Variants in SEPTIN9 observed in about 807,000 individuals in gnomAD.
The protein encoded by SEPTIN9 is septin-9.
Under a neutral mutation model 56.6 loss-of-function variants are expected in SEPTIN9, and 13 were observed. The observed-to-expected ratio is 0.23, with a 90% confidence interval of 0.15 to 0.37. The LOEUF (loss-of-function observed/expected upper bound fraction) is 0.37, where lower values mean the gene tolerates loss of function less well. SEPTIN9 is among the 10% of genes least tolerant of loss of function. The pLI is 1.00. For missense variants in SEPTIN9, 650 were observed against 823.1 expected, an observed-to-expected ratio of 0.79 and a Z score of 2.57; for synonymous variants, 332 against 334.1, an observed-to-expected ratio of 0.99 and a Z score of 0.07.
At chr17:77,375,344 T>C (rs2143928822) in intron 2 of SEPTIN9, 1 of 152,062 alleles carries the variant, frequency 6.6e-6, no homozygotes, top group East Asian at 2.0e-4. Context: ...TGCTCTCAGT[T>C]CCTAACAGAA....
intron 3 of SEPTIN9, among the ~76,000 whole-genome samples, chr17:77,410,910 C>T (rs2036272713): frequency 6.6e-6 from 1 of 152,040 alleles, no homozygotes; most frequent in Admixed American, 6.6e-5. Flanking sequence ...GTGACCTTTC[C>T]CTTTCTTCAT....
At chr17:77,331,628 T>C (rs1395851838) in intron 2 of SEPTIN9, among the ~76,000 whole-genome samples, 1 of 151,896 alleles carries the variant, frequency 6.6e-6, no homozygotes, top group Admixed American at 6.6e-5. Flanking sequence ...TCCTGCGGGG[T>C]TTGCATTTTC....
chr17:77,466,725 C>T (rs534017789), intron 3 of SEPTIN9, among the ~76,000 whole-genome samples: 26 of 152,242 alleles, frequency 1.7e-4, no homozygotes, highest in African/African-American at 6.3e-4. Context: ...CATAAGAACA[C>T]GCTATTACTG....
chr17:77,485,441 G>A (rs979386104), intron 4 of SEPTIN9, among the ~76,000 whole-genome samples: 4 of 151,688 alleles, frequency 2.6e-5, no homozygotes, highest in Non-Finnish European at 5.9e-5. Context: ...TGAGGGTGAC[G>A]GAAGTGGTGA....
intron 3 of SEPTIN9, among the ~76,000 whole-genome samples, chr17:77,406,384 A>C (rs1022460347): frequency 6.6e-6 from 1 of 151,952 alleles, no homozygotes; most frequent in South Asian, 2.1e-4. Flanking sequence ...ACCTGGTCCA[A>C]ATACCTCGTG....
At chr17:77,282,630 TTAC>T (rs539184990) in intron 1 of SEPTIN9, among the ~76,000 whole-genome samples, 172 of 152,336 alleles carry the variant, frequency 1.1e-3, no homozygotes, top group Middle Eastern at 0.01. Flanking sequence ...TCAAAGAGGA[TTAC>T]TCAGAACTTC....
In SEPTIN9 at chr17:77,329,395, C is replaced by T. The variant is rs2033263940; in HGVS notation, c.76+22198C>T. On this transcript the variant is annotated intron_variant, in intron 2 of 11. Coordinates refer to ENST00000427177, the MANE Select transcript of SEPTIN9 (RefSeq NM_001113491.2). This position sits in a 1 kb window ranked among gnomAD's most constrained non-coding sequence, Gnocchi z 4.3. ...GTGGCCGGCCCTGCCCAGCCTTGCA[C>T]TGCCCTGTGCTGCCCTGGTGGCTGC... Among the ~76,000 whole-genome samples the T allele has an allele frequency of 2.0e-5, 3 of 152,224 alleles. No individual in the cohort carries two copies. Among genetic ancestry groups the T allele is most frequent in the Non-Finnish European group, 4.4e-5 (3 of 68,040 alleles).
Position 77,456,657 on chromosome 17 carries a change from A to G in SEPTIN9, c.722-25487A>G, listed in dbSNP as rs897081654. Among the ~76,000 whole-genome samples, 24 of 149,132 alleles carry G rather than the reference A, an allele frequency of 1.6e-4. No individual in the cohort carries two copies. The highest frequency in any genetic ancestry group is 5.1e-4 in the African/African-American group (21 of 41,094). ...TACCCACAGCCAGGGACAGGCCTCC[A>G]TGGCCAGTACCAGGTCTCAGGGACC... On this transcript the variant is annotated intron_variant, in intron 3 of 11. Transcript: ENST00000427177. The surrounding 1 kb of genome is among the most constrained non-coding windows in gnomAD (Gnocchi z 6.0).
rs534121951 is a variant in SEPTIN9, at chr17:77,311,565, G to A, written c.76+4368G>A. Reference sequence around the variant, plus strand: ...CTATGCTAGTTCCCATGCCTCTTCCGGCAGGAGTGCCTGGCTCCACCTGGT... The same window carrying A: ...CTATGCTAGTTCCCATGCCTCTTCCAGCAGGAGTGCCTGGCTCCACCTGGT... On this transcript the variant is annotated intron_variant, in intron 2 of 11. Transcript: ENST00000427177. 9.6e-4 allele frequency among the ~76,000 whole-genome samples: 146 copies of A among 152,254 alleles called. 1 individual carries two copies. Among genetic ancestry groups the A allele is most frequent in the African/African-American group, 2.5e-3 (103 of 41,544 alleles).
At chr17:77,491,605 G>C (rs1399234866) in intron 8 of SEPTIN9, among the ~76,000 whole-genome samples, 2 of 151,518 alleles carry the variant, frequency 1.3e-5, no homozygotes, top group East Asian at 2.0e-4. Context: ...TTGAGGTCAG[G>C]AGTTTGAGGC....
intron 3 of SEPTIN9, chr17:77,454,053 G>A (rs141404873): frequency 9.1e-6 from 9 of 985,450 alleles, no homozygotes; most frequent in East Asian, 2.3e-4. Context: ...CTCCCTGGCC[G>A]GGAGTGTGGG....
rs1477596738 is a variant in SEPTIN9, at chr17:77,435,867, T to C, written c.721+33164T>C. The stretch of plus-strand genomic sequence containing the variant: ...TCTGGAGGCCTTTGCTCCTGAGCCC[T>C]GCCTCTGTGTAATCCCTAAAGCACG... On this transcript the variant is annotated intron_variant, in intron 3 of 11. Transcript: ENST00000427177. The surrounding 1 kb of genome is among the most constrained non-coding windows in gnomAD (Gnocchi z 4.5). Among the ~76,000 whole-genome samples, 1 of 152,246 alleles carries C rather than the reference T, an allele frequency of 6.6e-6. No homozygotes were observed. The highest frequency in any genetic ancestry group is 1.5e-5 in the Non-Finnish European group (1 of 68,048).
In SEPTIN9 at chr17:77,305,237, G is replaced by C. The variant is rs565888387; in HGVS notation, c.20-1904G>C. On this transcript the variant is annotated intron_variant, in intron 1 of 11. Transcript: ENST00000427177. ...CTGGGTGAGGTCACGGACATGGCTGGGGCAGGCTGGGGGTGCTGGAGGTGA... is the reference window on the plus strand; with the variant it reads ...CTGGGTGAGGTCACGGACATGGCTGCGGCAGGCTGGGGGTGCTGGAGGTGA... Among the ~76,000 whole-genome samples the C allele has an allele frequency of 5.3e-5, 8 of 152,278 alleles. No individual in the cohort carries two copies. In the South Asian group the frequency reaches 1.7e-3, roughly 32 times the overall value.
chr17:77,482,681 GC>G, intron 4 of SEPTIN9: 1 of 600,630 alleles, frequency 1.7e-6, no homozygotes, highest in African/African-American at 1.9e-5. Flanking sequence ...CCTCACTGTT[GC>G]TCCAGCCTGG....
At position 77,429,283 on chromosome 17, in the gene SEPTIN9, C is replaced by T. The variant is rs755151606; in HGVS notation, c.721+26580C>T. ...GATCTGACCGTAATTTTGATGGTGC[C>T]GATGCCGTCAGCACGCAGGCCTCCT... On this transcript the variant is annotated intron_variant, in intron 3 of 11. Transcript: ENST00000427177. This position sits in a 1 kb window ranked among gnomAD's most constrained non-coding sequence, Gnocchi z 5.2. 15 of 471,156 alleles carry T rather than the reference C, an allele frequency of 3.2e-5. 1 individual carries two copies. Among genetic ancestry groups the T allele is most frequent in the South Asian group, 1.2e-4 (8 of 64,574 alleles). The allele number at this position is 471,156 out of a possible 1,614,324, so 29.2% of individuals were successfully genotyped here.
chr17:77,364,031 A>T (rs2034497689), intron 2 of SEPTIN9, among the ~76,000 whole-genome samples: 1 of 152,172 alleles, frequency 6.6e-6, no homozygotes, highest in South Asian at 2.1e-4. Flanking sequence ...TGTGTTAATA[A>T]CAAACCCATT....
chr17:77,492,905 G>A lies in SEPTIN9; in HGVS notation c.1477-75G>A. The stretch of plus-strand genomic sequence containing the variant: ...TTTGGGGGACCCCAGGCTCAGGGCA[G>A]CTCCTCCCGGGGGCCCAGGGGAGGG... On this transcript the variant is annotated intron_variant, in intron 9 of 11. Coordinates refer to ENST00000427177, the MANE Select transcript of SEPTIN9 (RefSeq NM_001113491.2). The surrounding 1 kb of genome is among the most constrained non-coding windows in gnomAD (Gnocchi z 5.4). 1 of 1,406,904 alleles carries A rather than the reference G, an allele frequency of 7.1e-7. No homozygotes were observed. The highest frequency in any genetic ancestry group is 9.9e-7 in the Non-Finnish European group (1 of 1,012,972). The allele number at this position is 1,406,904 out of a possible 1,614,324, so 87.2% of individuals were successfully genotyped here.
At chr17:77,334,315 G>A (rs901564285) in intron 2 of SEPTIN9, among the ~76,000 whole-genome samples, 1 of 151,710 alleles carries the variant, frequency 6.6e-6, no homozygotes, top group Non-Finnish European at 1.5e-5. Flanking sequence ...CCAGATAATC[G>A]GGAGGCCGAG....
rs141314377 is a variant in SEPTIN9, at chr17:77,351,342, C to T, written c.76+44145C>T. On this transcript the variant is annotated intron_variant, in intron 2 of 11. Coordinates refer to ENST00000427177, the MANE Select transcript of SEPTIN9 (RefSeq NM_001113491.2). ...AAACCGGGTTCTGGGAAACTGTAGGCCCCACCTTTGGCAGAAAACCATGTT... is the reference window on the plus strand; with the variant it reads ...AAACCGGGTTCTGGGAAACTGTAGGTCCCACCTTTGGCAGAAAACCATGTT... 2.3e-3 allele frequency among the ~76,000 whole-genome samples: 354 copies of T among 152,194 alleles called. 1 individual carries two copies. The highest frequency in any genetic ancestry group is 7.4e-3 in the African/African-American group (307 of 41,516).
Sources: allele counts gnomAD v4.1 joint callset (sites outside exome capture counted in the v4.1 genomes callset), GRCh38; gene constraint gnomAD v4.1.1; non-coding constraint Gnocchi (gnomAD v3.1); transcripts MANE v1.5; gene names NCBI Gene and HGNC (gene_info 2026-07-23, HGNC 2026-07-21).